Variants in HUNK observed in about 807,000 individuals in gnomAD.
The protein encoded by HUNK is hormonally up-regulated neu tumor-associated kinase.
A neutral mutation model predicts 61.0 loss-of-function variants in HUNK; 21 were observed. The ratio of observed to expected loss-of-function variants is 0.34; its 90% CI spans 0.24 to 0.50. The LOEUF (loss-of-function observed/expected upper bound fraction) is 0.50, where lower values mean the gene tolerates loss of function less well. Among genes scored for constraint, HUNK ranks in the 20% least tolerant of loss-of-function variants. The probability of loss-of-function intolerance (pLI) is 0.98; values close to 1 mark genes in which losing one functional copy is unlikely to be tolerated. For synonymous variants in HUNK, 371 were observed against 386.1 expected (o/e 0.96, Z 0.46); for missense variants, 772 against 945.7 (o/e 0.82, Z 2.41).
intron 5 of HUNK, 119 bp downstream of exon 5, chr21:31,959,089 G>A: frequency 9.2e-7 from 1 of 1,083,520 alleles, no homozygotes; most frequent in Non-Finnish European, 1.2e-6. Flanking sequence ...ATGGTTATAA[G>A]TTTCTTTCTA....
chr21:31,922,024 C>T (rs1568925839), intron 1 of HUNK, among the ~76,000 whole-genome samples: 1 of 151,328 alleles, frequency 6.6e-6, no homozygotes, highest in Non-Finnish European at 1.5e-5. Context: ...AATTTTCTTT[C>T]TTTTTTTTTG....
Position 31,998,871 on chromosome 21 carries a change from T to C in HUNK, c.1832T>C (p.Leu611Pro). The C allele has an allele frequency of 6.2e-7, 1 of 1,614,182 alleles. No homozygotes were observed. Among genetic ancestry groups the C allele is most frequent in the Non-Finnish European group, 8.5e-7 (1 of 1,180,046 alleles). The change falls in exon 11 of 11, where the codon CTC (leucine) becomes CCC (proline). Residue 611 changes from leucine (L) to proline (P), a missense_variant. By Grantham distance (98) the Leu-to-Pro change is moderately conservative. Around this residue, in one of 2 missense-constraint regions of HUNK, gnomAD observed 413 missense variants for 444.4 expected, o/e 0.93. Transcript: ENST00000270112. ...PGLPSGSMSPLHTPLHPTLVS... is the reference protein window; with the variant it reads ...PGLPSGSMSPPHTPLHPTLVS... ...CTGCCATCCGGAAGCATGTCGCCTC[T>C]CCATACTCCTTTGCATCCAACTCTG...
intron 1 of HUNK, among the ~76,000 whole-genome samples, chr21:31,914,895 AC>A (rs1345233383): frequency 6.6e-6 from 1 of 152,144 alleles, no homozygotes; most frequent in Non-Finnish European, 1.5e-5. Context: ...GCTTCAACAT[AC>A]GCAATTCAGT....
At chr21:31,893,922 C>T (rs955191782) in intron 1 of HUNK, among the ~76,000 whole-genome samples, 6 of 152,164 alleles carry the variant, frequency 3.9e-5, no homozygotes, top group Non-Finnish European at 7.3e-5. Flanking sequence ...CAATGTGCAT[C>T]GAAGGCCTCT....
intron 1 of HUNK, among the ~76,000 whole-genome samples, chr21:31,920,721 C>T (rs2052616817): frequency 6.6e-6 from 1 of 152,170 alleles, no homozygotes; most frequent in Non-Finnish European, 1.5e-5. Context: ...TCAGCCCGAG[C>T]TGACTTGAGG....
intron 2 of HUNK, among the ~76,000 whole-genome samples, chr21:31,937,496 C>G (rs1040396817): frequency 2.0e-5 from 3 of 152,170 alleles, no homozygotes; most frequent in African/African-American, 7.2e-5. Context: ...AGATTTCCAG[C>G]AAGTGCCTCA....
intron 3 of HUNK, among the ~76,000 whole-genome samples, chr21:31,943,729 C>A (rs1411965588): frequency 2.6e-5 from 4 of 152,130 alleles, no homozygotes; most frequent in Non-Finnish European, 5.9e-5. Context: ...GATCTGGCCT[C>A]TTATCTCTCT....
intron 1 of HUNK, among the ~76,000 whole-genome samples, chr21:31,881,516 G>A (rs561238200): frequency 6.6e-5 from 10 of 152,088 alleles, no homozygotes; most frequent in Admixed American, 1.3e-4. Context: ...CCAGCTACTC[G>A]GGAGGCTGAG....
intron 4 of HUNK, among the ~76,000 whole-genome samples, chr21:31,954,768 G>A (rs928234670): frequency 4.6e-5 from 7 of 151,868 alleles, no homozygotes; most frequent in East Asian, 1.9e-4. Context: ...AGGAATGTGC[G>A]TTTTCTTTCT....
chr21:31,879,601 G>T (rs189844735), intron 1 of HUNK, among the ~76,000 whole-genome samples: 1 of 152,104 alleles, frequency 6.6e-6, no homozygotes, highest in Non-Finnish European at 1.5e-5. Flanking sequence ...GTTGAGTCAC[G>T]GCTATAGCTA....
chr21:31,986,286 C>T (rs894645820), intron 8 of HUNK, among the ~76,000 whole-genome samples: 1 of 151,680 alleles, frequency 6.6e-6, no homozygotes, highest in African/African-American at 2.4e-5. Context: ...TTGACTTTGA[C>T]CCTCCCCTTA....
intron 9 of HUNK, 47 bp downstream of exon 9, chr21:31,990,223 A>G (rs767063742): frequency 1.3e-6 from 2 of 1,490,604 alleles, no homozygotes; most frequent in African/African-American, 1.4e-5. Context: ...CTCCAGAGAA[A>G]CAGAACCAAT....
chr21:31,896,393 G>A (rs927649253), intron 1 of HUNK, among the ~76,000 whole-genome samples: 2 of 152,104 alleles, frequency 1.3e-5, no homozygotes, highest in African/African-American at 2.4e-5. Flanking sequence ...AGGAACCTGG[G>A]GTTTCTCTCT....
At chr21:31,882,619 A>G (rs988559594) in intron 1 of HUNK, among the ~76,000 whole-genome samples, 1 of 152,206 alleles carries the variant, frequency 6.6e-6, no homozygotes, top group Non-Finnish European at 1.5e-5. Flanking sequence ...ATCAAGCCAG[A>G]GTATCGGCGT....
intron 2 of HUNK, among the ~76,000 whole-genome samples, chr21:31,930,205 G>A (rs1391358675): frequency 6.6e-6 from 1 of 152,200 alleles, no homozygotes; most frequent in Non-Finnish European, 1.5e-5. Flanking sequence ...AAATCGCTCA[G>A]GCTTTTGTGC....
rs1240300856 is a variant in HUNK, at chr21:31,914,392, GAGTGAAAC to G, written c.262-10075_262-10068del. On this transcript the variant is annotated intron_variant, in intron 1 of 10. Transcript: ENST00000270112. The stretch of plus-strand genomic sequence containing the variant: ...CATTGTACTCCAGCCTGGGCAACAA[GAGTGAAAC>G]TCTGTCTCAAAAAAAAAAAAAAAAA... 1.6e-3 allele frequency among the ~76,000 whole-genome samples: 158 copies of G among 98,382 alleles called. 1 individual carries two copies. The highest frequency in any genetic ancestry group is 5.9e-3 in the African/African-American group (149 of 25,316). The allele number at this position is 98,382 out of a possible 152,430, so 64.5% of individuals were successfully genotyped here.
intron 1 of HUNK, among the ~76,000 whole-genome samples, chr21:31,902,860 C>T (rs981477525): frequency 5.9e-5 from 9 of 152,118 alleles, no homozygotes; most frequent in East Asian, 1.9e-4. Flanking sequence ...CATGGAGATC[C>T]GCCCTGTGTG....
chr21:31,937,456 A>G (rs1174924200), intron 2 of HUNK, among the ~76,000 whole-genome samples: 2 of 152,144 alleles, frequency 1.3e-5, no homozygotes, highest in African/African-American at 4.8e-5. Flanking sequence ...ATTTATGGAG[A>G]TTTTAAATGG....
At chr21:31,925,359 T>C (rs75195512) in intron 2 of HUNK, among the ~76,000 whole-genome samples, 1,538 of 152,296 alleles carry the variant, frequency 0.01, 17 homozygotes, top group African/African-American at 0.036. Context: ...AGTTAATATA[T>C]GGGAAGAGCT....
Sources: gnomAD v4.1 joint callset for allele counts (sites outside exome capture counted in the v4.1 genomes callset) on GRCh38, gnomAD v4.1.1 for gene constraint, gnomAD v4.1.1 regional missense constraint, MANE v1.5 for transcripts, NCBI Gene and HGNC (gene_info 2026-07-23, HGNC 2026-07-21) for gene names.